AGMO: variants seen among roughly 807,000 people sequenced by gnomAD.
The protein encoded by AGMO is glyceryl-ether monooxygenase.
Under a neutral mutation model 60.2 loss-of-function variants are expected in AGMO, and 75 were observed. That is an observed-to-expected ratio of 1.25 (90% CI 1.03 to 1.51). The LOEUF is 1.51. AGMO is among the 40% of genes most tolerant of loss of function. The probability of loss-of-function intolerance (pLI) is 0.00; values close to 1 mark genes in which losing one functional copy is unlikely to be tolerated. For synonymous variants in AGMO, 261 were observed against 177.1 expected, an observed-to-expected ratio of 1.47 and a Z score of -3.76; for missense variants, 763 against 525.5, an observed-to-expected ratio of 1.45 and a Z score of -4.42.
chr7:15,227,119 T>C (rs899283291), intron 12 of AGMO, among the ~76,000 whole-genome samples: 2 of 152,082 alleles, frequency 1.3e-5, no homozygotes, highest in African/African-American at 2.4e-5. Flanking sequence ...TTGAATTAAA[T>C]TGGACATAAA....
intron 12 of AGMO, among the ~76,000 whole-genome samples, chr7:15,228,113 C>T (rs577985993): frequency 6.6e-6 from 1 of 151,998 alleles, no homozygotes. Context: ...TTTAACACTC[C>T]TATTGTTTGG....
the AGMO span, among the ~76,000 whole-genome samples, chr7:15,192,338 A>T: frequency 1.5e-3 from 230 of 152,114 alleles, 2 homozygotes; most frequent in African/African-American, 5.3e-3. Flanking sequence ...GTGACAGAGC[A>T]GCATGGCAGA....
chr7:15,238,638 G>C (rs1043908633), intron 12 of AGMO, among the ~76,000 whole-genome samples: 12 of 151,102 alleles, frequency 7.9e-5, no homozygotes, highest in Non-Finnish European at 1.8e-4. Context: ...AAAACACAAA[G>C]GCAAAAAGGA....
At chr7:15,269,770 T>TCCCA (rs766237262) in intron 12 of AGMO, among the ~76,000 whole-genome samples, 2 of 151,970 alleles carry the variant, frequency 1.3e-5, no homozygotes, top group African/African-American at 2.4e-5. Context: ...CATACCCTAC[T>TCCCA]CCCATAAGAG....
chr7:15,421,620 T>C (rs1425812984), intron 4 of AGMO, among the ~76,000 whole-genome samples: 1 of 152,092 alleles, frequency 6.6e-6, no homozygotes, highest in African/African-American at 2.4e-5. Flanking sequence ...CACCCAGATT[T>C]CTGGCTTGTC....
intron 12 of AGMO, among the ~76,000 whole-genome samples, chr7:15,352,445 ATGT>A (rs1347254377): frequency 6.9e-6 from 1 of 145,972 alleles, no homozygotes; most frequent in African/African-American, 2.6e-5. Flanking sequence ...TTCCAGAAGT[ATGT>A]TTTTTTTTTT....
At chr7:15,316,266 C>T (rs1279703532) in intron 12 of AGMO, among the ~76,000 whole-genome samples, 6 of 152,262 alleles carry the variant, frequency 3.9e-5, no homozygotes, top group Non-Finnish European at 4.4e-5. Context: ...ATCAGTCCCC[C>T]ATAACCAGCA....
intron 12 of AGMO, among the ~76,000 whole-genome samples, chr7:15,280,483 G>A (rs1440166188): frequency 1.3e-5 from 2 of 152,118 alleles, no homozygotes; most frequent in Non-Finnish European, 2.9e-5. Context: ...GCCTGACCCA[G>A]CCCCCACCTG....
intron 12 of AGMO, among the ~76,000 whole-genome samples, chr7:15,261,604 A>G (rs1783272592): frequency 6.6e-6 from 1 of 152,028 alleles, no homozygotes; most frequent in South Asian, 2.1e-4. Flanking sequence ...TCCTAGTGAC[A>G]CTATCTAAAA....
chr7:15,462,867 A>T (rs1195033087), intron 3 of AGMO, among the ~76,000 whole-genome samples: 5 of 152,182 alleles, frequency 3.3e-5, no homozygotes, highest in Non-Finnish European at 5.9e-5. Flanking sequence ...TCTGCCCTAA[A>T]AGTATCTTCT....
chr7:15,246,873 T>C (rs997849765), intron 12 of AGMO, among the ~76,000 whole-genome samples: 1 of 152,172 alleles, frequency 6.6e-6, no homozygotes, highest in Non-Finnish European at 1.5e-5. Flanking sequence ...TGGCTTCCCA[T>C]TGAACCTCAG....
At chr7:15,354,044 T>C (rs952495754) in intron 12 of AGMO, among the ~76,000 whole-genome samples, 1 of 152,070 alleles carries the variant, frequency 6.6e-6, no homozygotes, top group Non-Finnish European at 1.5e-5. Flanking sequence ...GAAGCAATAC[T>C]ATGTTCTAAT....
chr7:15,180,889 C>G, the AGMO span, among the ~76,000 whole-genome samples: 2 of 152,286 alleles, frequency 1.3e-5, no homozygotes, highest in African/African-American at 4.8e-5. Context: ...GCACCAGCAT[C>G]TGGCAAAGGT....
At chr7:15,305,936 T>C (rs1419058415) in intron 12 of AGMO, among the ~76,000 whole-genome samples, 1 of 151,934 alleles carries the variant, frequency 6.6e-6, no homozygotes, top group African/African-American at 2.4e-5. Context: ...AAATTCCAGA[T>C]AACAAAATTT....
intron 3 of AGMO, among the ~76,000 whole-genome samples, chr7:15,526,356 C>A (rs1261588122): frequency 6.6e-6 from 1 of 152,206 alleles, no homozygotes; most frequent in African/African-American, 2.4e-5. Context: ...TAAAACATTT[C>A]TTTTTGCTGA....
chr7:15,422,043 G>T (rs1780941161), intron 4 of AGMO, among the ~76,000 whole-genome samples: 1 of 151,668 alleles, frequency 6.6e-6, no homozygotes, highest in South Asian at 2.1e-4. Context: ...AGTGAGATAG[G>T]AACTGAAAAA....
the AGMO span, among the ~76,000 whole-genome samples, chr7:15,140,191 T>C: frequency 0.035 from 5,359 of 152,026 alleles, 141 homozygotes; most frequent in Middle Eastern, 0.088. Context: ...CAATAATGAA[T>C]ACAAATTAAT....
In AGMO at chr7:15,201,308, G is replaced by T; in HGVS notation, c.1315C>A (p.Leu439Ile). 6.2e-7 allele frequency: 1 copy of T among 1,612,554 alleles called. No individual in the cohort carries two copies. Among genetic ancestry groups the T allele is most frequent in the Non-Finnish European group, 8.5e-7 (1 of 1,179,242 alleles). ...GGTTATTTCCAAGGGTGAGAGGTGA[G>T]TTGTTTCATGCTTCTAACTCCCCAG... The part of the protein sequence containing the change: ...AFWGVRSMKQ[L>I]TSHPWK The change falls in exon 13 of 13, where the codon CTC (leucine) becomes ATC (isoleucine). Residue 439 changes from leucine to isoleucine, a missense_variant. Physicochemically the swap from Leu to Ile is conservative, Grantham distance 5. Transcript: ENST00000342526.
the AGMO span, among the ~76,000 whole-genome samples, chr7:15,169,799 C>G: frequency 6.6e-6 from 1 of 152,164 alleles, no homozygotes; most frequent in Non-Finnish European, 1.5e-5. Flanking sequence ...TCACCAAGTC[C>G]CATCTGCAGA....
Sources: allele counts gnomAD v4.1 joint callset (sites outside exome capture counted in the v4.1 genomes callset), GRCh38; gene constraint gnomAD v4.1.1; transcripts MANE v1.5; gene names NCBI Gene and HGNC (gene_info 2026-07-23, HGNC 2026-07-21).